The following KHDRBS2 variants were observed in gnomAD, a reference collection of about 807,000 sequenced individuals.
The protein encoded by KHDRBS2 is KH RNA binding domain containing, signal transduction associated 2, also known as KH domain-containing, RNA-binding, signal transduction-associated protein 2.
Under a neutral mutation model 44.3 loss-of-function variants are expected in KHDRBS2, and 26 were observed. The observed-to-expected ratio is 0.59, with a 90% CI of 0.43 to 0.81. The LOEUF is 0.81. Ranked by LOEUF, KHDRBS2 falls within the 40% of genes least tolerant of loss-of-function variation. The probability of loss-of-function intolerance (pLI) is 0.00; values close to 1 mark genes in which losing one functional copy is unlikely to be tolerated. For missense variants in KHDRBS2, 476 were observed against 433.1 expected, an observed-to-expected ratio of 1.10 and a Z score of -0.88; for synonymous variants, 194 against 151.1, an observed-to-expected ratio of 1.28 and a Z score of -2.08.
At chr6:61,803,132 GCTTCCTC>G (rs910293124) in intron 6 of KHDRBS2, among the ~76,000 whole-genome samples, 1 of 152,150 alleles carries the variant, frequency 6.6e-6, no homozygotes, top group Non-Finnish European at 1.5e-5. Flanking sequence ...ATGATGCCTT[GCTTCCTC>G]CTACTCCTCA....
chr6:61,799,030 A>T (rs774395627), intron 6 of KHDRBS2, among the ~76,000 whole-genome samples: 3 of 152,036 alleles, frequency 2.0e-5, no homozygotes, highest in Non-Finnish European at 4.4e-5. Flanking sequence ...GTGAAAAACT[A>T]GTCTGGACTT....
At chr6:62,080,926 T>A (rs1434091253) in intron 2 of KHDRBS2, among the ~76,000 whole-genome samples, 1 of 152,122 alleles carries the variant, frequency 6.6e-6, no homozygotes, top group East Asian at 1.9e-4. Flanking sequence ...CTTCTATAGC[T>A]TATGGTCTCT....
chr6:61,597,059 G>A, the KHDRBS2 span, among the ~76,000 whole-genome samples: 4 of 152,126 alleles, frequency 2.6e-5, no homozygotes, highest in South Asian at 2.1e-4. Flanking sequence ...GACAAAGAAC[G>A]GCATAGGTAA....
chr6:61,544,227 T>G, the KHDRBS2 span, among the ~76,000 whole-genome samples: 2 of 152,050 alleles, frequency 1.3e-5, no homozygotes, highest in Non-Finnish European at 2.9e-5. Context: ...TCCATAAACA[T>G]ATACACCTAA....
chr6:61,901,787 T>C (rs1298445932), intron 4 of KHDRBS2, among the ~76,000 whole-genome samples: 1 of 152,190 alleles, frequency 6.6e-6, no homozygotes, highest in Non-Finnish European at 1.5e-5. Context: ...TTCAAATAGC[T>C]TCTGATGCAT....
intron 7 of KHDRBS2, among the ~76,000 whole-genome samples, chr6:61,716,156 C>G (rs1771387577): frequency 6.6e-6 from 1 of 151,876 alleles, no homozygotes; most frequent in African/African-American, 2.4e-5. Flanking sequence ...ATCTGGTACC[C>G]TGAGCTGCCA....
intron 4 of KHDRBS2, among the ~76,000 whole-genome samples, chr6:61,927,678 T>C (rs936516768): frequency 6.6e-6 from 1 of 152,190 alleles, no homozygotes; most frequent in African/African-American, 2.4e-5. Context: ...AAGGTAGTCT[T>C]GTAATCACAT....
chr6:61,589,236 C>CAAAAT, the KHDRBS2 span, among the ~76,000 whole-genome samples: 32 of 152,048 alleles, frequency 2.1e-4, no homozygotes, highest in Middle Eastern at 6.8e-3. Context: ...GAACTTAAAG[C>CAAAAT]AAAATAAAAT....
rs182535684 is a variant in KHDRBS2, at chr6:61,739,834, C to A, written c.811-7070G>T. The stretch of plus-strand genomic sequence containing the variant: ...ATGTTATTCCCACCAAACAGATACA[C>A]TAGACATAAATAACCAAAAGAGCAC... On this transcript the variant is annotated intron_variant, in intron 6 of 8. Transcript: ENST00000281156. Among the ~76,000 whole-genome samples, 340 of 152,014 alleles carry A rather than the reference C, an allele frequency of 2.2e-3. 2 individuals are homozygous for A. Among genetic ancestry groups the A allele is most frequent in the African/African-American group, 8.0e-3 (331 of 41,524 alleles).
chr6:61,627,080 C>A, the KHDRBS2 span, among the ~76,000 whole-genome samples: 1 of 151,090 alleles, frequency 6.6e-6, no homozygotes, highest in African/African-American at 2.4e-5. Context: ...GGTGAAACCC[C>A]GTCTCTACTA....
chr6:62,071,295 G>C (rs1371022782), intron 2 of KHDRBS2, among the ~76,000 whole-genome samples: 1 of 152,120 alleles, frequency 6.6e-6, no homozygotes, highest in African/African-American at 2.4e-5. Flanking sequence ...TAGGTTGCCT[G>C]TTCACTCTGA....
chr6:61,746,757 C>T (rs1776916299), intron 6 of KHDRBS2, among the ~76,000 whole-genome samples: 2 of 151,888 alleles, frequency 1.3e-5, no homozygotes, highest in Non-Finnish European at 2.9e-5. Context: ...AAATGTAAAA[C>T]CCCAAACCAT....
At chr6:62,089,647 C>A (rs533085675) in intron 2 of KHDRBS2, among the ~76,000 whole-genome samples, 2 of 152,328 alleles carry the variant, frequency 1.3e-5, no homozygotes, top group Admixed American at 6.5e-5. Context: ...TCGCTGGGAG[C>A]TGCAGACTGG....
the KHDRBS2 span, among the ~76,000 whole-genome samples, chr6:61,544,307 A>G: frequency 6.6e-6 from 1 of 152,098 alleles, no homozygotes; most frequent in Non-Finnish European, 1.5e-5. Flanking sequence ...AGTAGCTTCA[A>G]ATTAACTAGT....
At chr6:62,013,498 G>A (rs370165089) in intron 3 of KHDRBS2, among the ~76,000 whole-genome samples, 1 of 151,984 alleles carries the variant, frequency 6.6e-6, no homozygotes, top group Non-Finnish European at 1.5e-5. Context: ...TTTATTATTT[G>A]ATTTTAGCAA....
intron 2 of KHDRBS2, among the ~76,000 whole-genome samples, chr6:62,089,194 C>T (rs555329436): frequency 1.3e-5 from 2 of 151,366 alleles, no homozygotes; most frequent in South Asian, 4.2e-4. Flanking sequence ...GATCGCTTGG[C>T]TCCCTGGCTT....
intron 8 of KHDRBS2, among the ~76,000 whole-genome samples, chr6:61,682,953 G>T (rs1321444087): frequency 1.3e-5 from 2 of 151,724 alleles, no homozygotes; most frequent in Admixed American, 6.6e-5. Flanking sequence ...GATAATCCAG[G>T]CTATATCATT....
intron 7 of KHDRBS2, among the ~76,000 whole-genome samples, chr6:61,699,092 TTCATTTA>T (rs1333992938): frequency 5.3e-5 from 8 of 152,092 alleles, no homozygotes; most frequent in African/African-American, 1.9e-4. Context: ...TCTCATTTAT[TTCATTTA>T]TTCATTTGCT....
chr6:61,648,410 C>T, the KHDRBS2 span, among the ~76,000 whole-genome samples: 5 of 152,002 alleles, frequency 3.3e-5, no homozygotes, highest in Non-Finnish European at 5.9e-5. Flanking sequence ...CCTAACCTTC[C>T]CCAGTCATTT....
Sources: gnomAD v4.1 joint callset for allele counts (sites outside exome capture counted in the v4.1 genomes callset) on GRCh38, gnomAD v4.1.1 for gene constraint, MANE v1.5 for transcripts, NCBI Gene and HGNC (gene_info 2026-07-23, HGNC 2026-07-21) for gene names.